NARS1: variants seen among roughly 807,000 people sequenced by gnomAD.
NARS1 encodes asparaginyl-tRNA synthetase 1, also known as asparagine--tRNA ligase, cytoplasmic.
In NARS1, 65 loss-of-function variants were observed where a neutral mutation model predicts 79.2. The observed-to-expected ratio is 0.82, with a 90% confidence interval of 0.67 to 1.01. The LOEUF (loss-of-function observed/expected upper bound fraction) is 1.01, where lower values mean the gene tolerates loss of function less well. Ranked by LOEUF, NARS1 falls within the 50% of genes least tolerant of loss-of-function variation. The pLI is 0.00. For missense variants in NARS1, 649 were observed against 673.8 expected, an observed-to-expected ratio of 0.96 and a Z score of 0.41; for synonymous variants, 229 against 238.8, an observed-to-expected ratio of 0.96 and a Z score of 0.38.
rs544422781 is a variant in NARS1 at position 57,610,246 on chromosome 18, TG to T, written c.493-804del. On this transcript the variant is annotated intron_variant, in intron 6 of 13. Transcript: ENST00000256854. ...CAGCACTTTCGGAGGCCGAGGCGGGTGGATCACCTGAGGTCAGGAGTTCAAG... is the reference window on the plus strand; with the variant it reads ...CAGCACTTTCGGAGGCCGAGGCGGGTGATCACCTGAGGTCAGGAGTTCAAG... Among the ~76,000 whole-genome samples the T allele has an allele frequency of 8.0e-3, 1,217 of 151,266 alleles. 14 individuals carry two copies. The highest frequency in any genetic ancestry group is 0.024 in the Middle Eastern group (7 of 288).
In NARS1 at chr18:57,607,521, T is replaced by C. The variant is rs1370129350; in HGVS notation, c.724A>G (p.Met242Val). 7.4e-6 allele frequency: 12 copies of C among 1,614,054 alleles called. No homozygotes were observed. The highest frequency in any genetic ancestry group is 3.3e-5 in the Admixed American group (2 of 59,996). ...NRHMMIRGEN[M>V]SKILKARSMV... ...GATCGTGCTTTTAGGATTTTGGACATGTTTTCTCCTCGGATCATCATGTGT... is the reference window on the plus strand; with the variant it reads ...GATCGTGCTTTTAGGATTTTGGACACGTTTTCTCCTCGGATCATCATGTGT... Residue 242 changes from methionine (M) to valine (V), a missense_variant, in exon 8 of 14, where the codon ATG becomes GTG. Transcript: ENST00000256854.
chr18:57,604,580 G>C lies in NARS1; in HGVS notation c.1251+1277C>G, dbSNP rs1022235157. 2.0e-5 allele frequency among the ~76,000 whole-genome samples: 3 copies of C among 152,212 alleles called. No individual in the cohort carries two copies. The East Asian group carries it at 5.8e-4, about 29-fold the overall frequency. ...AAGTAATGGTTAAATGCACAGGAAA[G>C]AGGGCCTAGCATAGTCTTGGAAACT... On this transcript the variant is annotated intron_variant, in intron 11 of 13. Coordinates refer to ENST00000256854, the MANE Select transcript of NARS1 (RefSeq NM_004539.4).
intron 13 of NARS1, among the ~76,000 whole-genome samples, 157 bp from the exon 14 acceptor site, chr18:57,601,940 C>T (rs1384787062): frequency 6.6e-6 from 1 of 152,190 alleles, no homozygotes; most frequent in Non-Finnish European, 1.5e-5. Context: ...AATCCCAGCA[C>T]TTAATCTCTA....
chr18:57,608,437 CA>C (rs1175712420), intron 7 of NARS1, among the ~76,000 whole-genome samples: 15 of 78,274 alleles, frequency 1.9e-4, no homozygotes, highest in African/African-American at 6.9e-4. Flanking sequence ...AACTCCGTCT[CA>C]AAAAAAAAAA....
At chr18:57,608,684 T>C (rs1275200858) in intron 7 of NARS1, among the ~76,000 whole-genome samples, 2 of 152,322 alleles carry the variant, frequency 1.3e-5, no homozygotes, top group South Asian at 4.1e-4. Context: ...AAAGGCATAG[T>C]GAATTTGACA....
chr18:57,605,922 C>T lies in NARS1; in HGVS notation c.1186G>A (p.Ala396Thr). ...RPFKRMNYSD[A>T]IVWLKEHDVK... The stretch of plus-strand genomic sequence containing the variant: ...TCATGTTCTTTTAGCCAAACGATAG[C>T]ATCTGAATAGTTCATCCGTTTGAAA... Residue 396 changes from alanine (A) to threonine (T), a missense_variant, in exon 11 of 14, where the codon GCT (alanine) becomes ACT (threonine). Coordinates refer to ENST00000256854, the MANE Select transcript of NARS1 (RefSeq NM_004539.4). The T allele has an allele frequency of 6.2e-7, 1 of 1,613,746 alleles. No homozygotes were observed. The highest frequency in any genetic ancestry group is 8.5e-7 in the Non-Finnish European group (1 of 1,179,852).
At chr18:57,612,773 CAATA>C (rs1179345699) in intron 5 of NARS1, among the ~76,000 whole-genome samples, 1 of 151,952 alleles carries the variant, frequency 6.6e-6, no homozygotes, top group African/African-American at 2.4e-5. Flanking sequence ...TAATCCCTTA[CAATA>C]AATAGTAAAA....
chr18:57,609,586 A>G (rs369875596), intron 6 of NARS1, 143 bp from the exon 7 acceptor site: 1 of 618,238 alleles, frequency 1.6e-6, no homozygotes, highest in African/African-American at 1.8e-5. Context: ...CTGATTCTTA[A>G]TATTAAAATA....
chr18:57,618,137 A>T (rs1409420937), intron 2 of NARS1, among the ~76,000 whole-genome samples: 2 of 151,378 alleles, frequency 1.3e-5, no homozygotes, highest in Non-Finnish European at 2.9e-5. Context: ...AAAAAAAAGA[A>T]ATTAGCCAGG....
In NARS1 at chr18:57,602,850, T is replaced by G. The variant is rs367852140; in HGVS notation, c.1345A>C (p.Met449Leu). 1.2e-6 allele frequency: 2 copies of G among 1,614,142 alleles called. No homozygotes were observed. The highest frequency in any genetic ancestry group is 1.3e-5 in the African/African-American group (1 of 75,058). The stretch of plus-strand genomic sequence containing the variant: ...CGGGAATCCTCAGGACATCGCTGCA[T>G]GTAGAAGGACTTGATCTCCACAGGA... ...RFPVEIKSFY[M>L]QRCPEDSRLT... The change falls in exon 12 of 14, where the codon ATG (methionine) becomes CTG (leucine). Residue 449 changes from methionine (M) to leucine (L), a missense_variant. Physicochemically the swap from Met to Leu is conservative, Grantham distance 15. Coordinates refer to ENST00000256854, the MANE Select transcript of NARS1 (RefSeq NM_004539.4).
chr18:57,607,536 T>C lies in NARS1; in HGVS notation c.709A>G (p.Ile237Val), dbSNP rs770243673. Reference sequence around the variant, plus strand: ...ATTTTGGACATGTTTTCTCCTCGGATCATCATGTGTCTGTTGTTGAGCTGG... The same window carrying C: ...ATTTTGGACATGTTTTCTCCTCGGACCATCATGTGTCTGTTGTTGAGCTGG... ...DVQLNNRHMM[I>V]RGENMSKILK... The change falls in exon 8 of 14, where the codon ATC becomes GTC. Residue 237 changes from isoleucine (I) to valine (V), a missense_variant. By Grantham distance (29) the Ile-to-Val change is conservative. Transcript: ENST00000256854. The C allele has an allele frequency of 5.6e-6, 9 of 1,614,214 alleles. No homozygotes were observed. The highest frequency in any genetic ancestry group is 6.8e-6 in the Non-Finnish European group (8 of 1,180,036).
intron 2 of NARS1, among the ~76,000 whole-genome samples, chr18:57,617,305 G>A (rs907236835): frequency 6.6e-6 from 1 of 152,112 alleles, no homozygotes; most frequent in Non-Finnish European, 1.5e-5. Context: ...GGGCATGGTG[G>A]CTCACACCTG....
chr18:57,606,669 C>G lies in NARS1; in HGVS notation c.1084G>C (p.Val362Leu), dbSNP rs758539270. The G allele has an allele frequency of 6.2e-7, 1 of 1,614,124 alleles. No individual in the cohort carries two copies. The highest frequency in any genetic ancestry group is 2.2e-5 in the East Asian group (1 of 44,872). The change falls in exon 10 of 14, where the codon GTA (valine) becomes CTA (leucine). Residue 362 changes from valine (V) to leucine (L), a missense_variant. Coordinates refer to ENST00000256854, the MANE Select transcript of NARS1 (RefSeq NM_004539.4). ...NRLEDLVCDV[V>L]DRILKSPAGS... ...GCAGGTGACTTCAATATTCGATCTA[C>G]CACATCACAAACCAAGTCCTCCAAC...
intron 1 of NARS1, 50 bp from the exon 2 acceptor site, chr18:57,620,701 C>A: frequency 9.4e-7 from 1 of 1,066,386 alleles, no homozygotes; most frequent in South Asian, 1.3e-5. Flanking sequence ...AACTATTAGT[C>A]ACCTTACTAC....
rs145472082 is a variant in NARS1, at chr18:57,602,914, C to T, written c.1281G>A (p.Met427Ile). ...EDIPEAPERL[M>I]TDTINEPILL... ...AGATTGGTTCATTAATGGTGTCTGT[C>T]ATCAGTCTCTCAGGAGCTTCTGGGA... The change falls in exon 12 of 14, where the codon ATG (methionine) becomes ATA (isoleucine). Residue 427 changes from methionine to isoleucine, a missense_variant. By Grantham distance (10) the Met-to-Ile change is conservative. Transcript: ENST00000256854. 2 of 1,613,972 alleles carry T rather than the reference C, an allele frequency of 1.2e-6. No individual in the cohort carries two copies. Among genetic ancestry groups the T allele is most frequent in the African/African-American group, 1.3e-5 (1 of 74,908 alleles).
chr18:57,605,556 G>A (rs2051546734), intron 11 of NARS1, among the ~76,000 whole-genome samples: 1 of 145,860 alleles, frequency 6.9e-6, no homozygotes, highest in Non-Finnish European at 1.5e-5. Context: ...GCAGTGAGCC[G>A]AGATCTGAGA....
intron 9 of NARS1, 157 bp from the exon 10 acceptor site, chr18:57,606,908 G>T: frequency 1.0e-6 from 1 of 978,446 alleles, no homozygotes; most frequent in Non-Finnish European, 1.5e-6. Context: ...TCTCCACTGA[G>T]TAGCAATTTC....
intron 5 of NARS1, among the ~76,000 whole-genome samples, chr18:57,612,586 C>G (rs1242788294): frequency 2.0e-5 from 3 of 152,158 alleles, no homozygotes; most frequent in Admixed American, 6.6e-5. Flanking sequence ...CAGGTGCTCA[C>G]AACCACACCC....
chr18:57,612,474 C>T (rs540275528), intron 5 of NARS1, among the ~76,000 whole-genome samples: 5 of 146,348 alleles, frequency 3.4e-5, no homozygotes, highest in Non-Finnish European at 7.5e-5. Context: ...TCACTTTTGT[C>T]GCCCAGGCTA....
Sources: allele counts gnomAD v4.1 joint callset (sites outside exome capture counted in the v4.1 genomes callset), GRCh38; gene constraint gnomAD v4.1.1; transcripts MANE v1.5; gene names NCBI Gene and HGNC (gene_info 2026-07-23, HGNC 2026-07-21).